Variants in LHX6 observed in about 807,000 individuals in gnomAD.
LHX6 encodes the protein LIM/homeobox protein Lhx6.
A neutral mutation model predicts 47.1 loss-of-function variants in LHX6; 15 were observed. That is an observed-to-expected ratio of 0.32 (90% CI 0.21 to 0.49). LHX6 has a LOEUF of 0.49. Among genes scored for constraint, LHX6 ranks in the 20% least tolerant of loss-of-function variants. LHX6 has a pLI of 0.99. For missense variants in LHX6, 404 were observed against 539.6 expected (o/e 0.75, Z 2.49); for synonymous variants, 242 against 233.5 (o/e 1.04, Z -0.33).
intron 1 of LHX6, chr9:122,228,326 T>C (rs1383680205): frequency 9.1e-6 from 14 of 1,534,560 alleles, no homozygotes; most frequent in Non-Finnish European, 1.2e-5. Flanking sequence ...GTCGGGATTC[T>C]CAGCGCTGCG....
chr9:122,219,090 C>A (rs1004017745), intron 4 of LHX6, among the ~76,000 whole-genome samples: 1 of 152,276 alleles, frequency 6.6e-6, no homozygotes, highest in East Asian at 1.9e-4. Context: ...TGTGTGTGCA[C>A]GGAGGAAACA....
At position 122,213,653 on chromosome 9, in the gene LHX6, C is replaced by T; in HGVS notation, c.1007G>A (p.Ser336Asn). 6.2e-7 allele frequency: 1 copy of T among 1,610,518 alleles called. No homozygotes were observed. ...LSDDIHYTPF[S>N]SPERARMVTL... The stretch of plus-strand genomic sequence containing the variant: ...GACCATGCGCGCCCGCTCGGGGCTG[C>T]TGAACGGGGTGTAGTGGATGTCGTC... Residue 336 changes from serine to asparagine, a missense_variant, in exon 8 of 10, where the codon AGC becomes AAC. Physicochemically the swap from Ser to Asn is conservative, Grantham distance 46. Around this residue, in one of 7 missense-constraint regions of LHX6, gnomAD observed 127 missense variants for 116.1 expected, o/e 1.09. Coordinates refer to ENST00000394319, the MANE Select transcript of LHX6 (RefSeq NM_014368.5). The surrounding 1 kb of genome is among the most constrained non-coding windows in gnomAD (Gnocchi z 5.5).
At chr9:122,207,454 C>T (rs1185427567) in intron 9 of LHX6, among the ~76,000 whole-genome samples, 2 of 152,184 alleles carry the variant, frequency 1.3e-5, no homozygotes, top group African/African-American at 4.8e-5. Flanking sequence ...AGAAGGCCAT[C>T]TCTATGTCCA....
At chr9:122,209,489 C>T in intron 9 of LHX6, 125 bp downstream of exon 9, 1 of 1,436,520 alleles carries the variant, frequency 7.0e-7, no homozygotes. Flanking sequence ...GGGGTCTCAG[C>T]AGGCCGGGCA....
chr9:122,217,414 C>T lies in LHX6; in HGVS notation c.462-126G>A. The stretch of plus-strand genomic sequence containing the variant: ...CTAAGTCTTCAACTCAGGCATTAGC[C>T]TTAGCTTGGACGCAACAACACTCTA... On this transcript the variant is annotated intron_variant, in intron 4 of 9. Coordinates refer to ENST00000394319, the MANE Select transcript of LHX6 (RefSeq NM_014368.5). This position sits in a 1 kb window ranked among gnomAD's most constrained non-coding sequence, Gnocchi z 4.9. 1 of 703,300 alleles carries T rather than the reference C, an allele frequency of 1.4e-6. No individual in the cohort carries two copies. Among genetic ancestry groups the T allele is most frequent in the South Asian group, 1.8e-5 (1 of 55,616 alleles). The allele number at this position is 703,300 out of a possible 1,614,324, so 43.6% of individuals were successfully genotyped here.
At chr9:122,215,267 A>G (rs1274250109) in intron 5 of LHX6, among the ~76,000 whole-genome samples, 3 of 152,264 alleles carry the variant, frequency 2.0e-5, no homozygotes, top group Non-Finnish European at 4.4e-5. Context: ...ATGGAAAAAA[A>G]TCTGAGAAGA....
At chr9:122,209,836 T>A (rs1830332752) in intron 8 of LHX6, 119 bp from the exon 9 acceptor site, 2 of 594,870 alleles carry the variant, frequency 3.4e-6, no homozygotes, top group Non-Finnish European at 6.0e-6. Flanking sequence ...ACTTACCTCC[T>A]GGGTAGCCCT....
chr9:122,228,497 C>CG (rs1831205637), intron 1 of LHX6, 160 bp downstream of exon 1: 40 of 1,421,932 alleles, frequency 2.8e-5, no homozygotes, highest in Non-Finnish European at 3.6e-5. Flanking sequence ...CCCCCCCCCC[C>CG]CGCTCGCGCG....
chr9:122,217,419 C>A lies in LHX6; in HGVS notation c.462-131G>T. 1.5e-6 allele frequency: 1 copy of A among 672,146 alleles called. No homozygotes were observed. Among genetic ancestry groups the A allele is most frequent in the South Asian group, 1.8e-5 (1 of 54,360 alleles). The allele number at this position is 672,146 out of a possible 1,614,324, so 41.6% of individuals were successfully genotyped here. A position where few individuals can be genotyped will look rare whatever the true frequency, so the allele number is the denominator to read the frequency against. ...TCTTCAACTCAGGCATTAGCCTTAG[C>A]TTGGACGCAACAACACTCTACACCT... On this transcript the variant is annotated intron_variant, in intron 4 of 9. Transcript: ENST00000394319. The surrounding 1 kb of genome is among the most constrained non-coding windows in gnomAD (Gnocchi z 4.9).
At chr9:122,207,869 C>A (rs1024715812) in intron 9 of LHX6, among the ~76,000 whole-genome samples, 1 of 152,184 alleles carries the variant, frequency 6.6e-6, no homozygotes, top group Non-Finnish European at 1.5e-5. Context: ...AACAGACTCT[C>A]TGAGAGCGAG....
chr9:122,207,930 C>A (rs1014733169), intron 9 of LHX6, among the ~76,000 whole-genome samples: 3 of 152,158 alleles, frequency 2.0e-5, no homozygotes, highest in Non-Finnish European at 4.4e-5. Flanking sequence ...TCCGAGCACA[C>A]CAAGACCGGG....
chr9:122,221,401 T>G, intron 4 of LHX6: 1 of 985,476 alleles, frequency 1.0e-6, no homozygotes, highest in Non-Finnish European at 1.2e-6. Flanking sequence ...GCTCTGCGCT[T>G]CCCCTGGGAC....
At chr9:122,221,455 C>A (rs1015778343) in intron 4 of LHX6, 39 of 985,386 alleles carry the variant, frequency 4.0e-5, no homozygotes, top group East Asian at 1.1e-4. Flanking sequence ...CTGGAGCCCG[C>A]GACAGAGCTT....
At chr9:122,224,448 A>G (rs1333549200) in intron 4 of LHX6, among the ~76,000 whole-genome samples, 1 of 152,134 alleles carries the variant, frequency 6.6e-6, no homozygotes, top group Admixed American at 6.5e-5. Context: ...GAGAGGAGAC[A>G]TCACACTCTG....
chr9:122,202,658 G>T lies in LHX6; in HGVS notation c.*2102C>A, dbSNP rs79457316. The stretch of plus-strand genomic sequence containing the variant: ...GACATTTACAAAGCACGACATGAAA[G>T]GTATGTAACAAAACAGACATTGGTT... On this transcript the variant is annotated 3_prime_UTR_variant, in exon 10 of 10. Transcript: ENST00000394319. 3.3e-5 allele frequency: 5 copies of T among 152,624 alleles called. No individual in the cohort carries two copies. The highest frequency in any genetic ancestry group is 2.0e-4 in the Admixed American group (3 of 15,292). 9.5% of individuals were successfully genotyped at this position (152,624 alleles called of 1,614,324 possible).
At chr9:122,221,410 AC>A in intron 4 of LHX6, 4 of 984,950 alleles carry the variant, frequency 4.1e-6, no homozygotes, top group Non-Finnish European at 4.8e-6. Flanking sequence ...TTCCCCTGGG[AC>A]CCTCGCTTTG....
chr9:122,214,456 G>C lies in LHX6; in HGVS notation c.683-73C>G, dbSNP rs1237841998. The stretch of plus-strand genomic sequence containing the variant: ...GGCAGCCTGGAAAGGACGGGGGTGG[G>C]GGGAGCTTGTCCCTGGAAGGGTCAG... On this transcript the variant is annotated intron_variant, in intron 5 of 9. Coordinates refer to ENST00000394319, the MANE Select transcript of LHX6 (RefSeq NM_014368.5). The surrounding 1 kb of genome is among the most constrained non-coding windows in gnomAD (Gnocchi z 4.6). The C allele has an allele frequency of 1.3e-5, 19 of 1,435,226 alleles. No homozygotes were observed. The highest frequency in any genetic ancestry group is 1.7e-5 in the Non-Finnish European group (19 of 1,098,702). The allele number at this position is 1,435,226 out of a possible 1,614,324, so 88.9% of individuals were successfully genotyped here. A position where few individuals can be genotyped will look rare whatever the true frequency, so the allele number is the denominator to read the frequency against.
rs748826406 is a variant in LHX6, at chr9:122,213,766, G to A, written c.894C>T (p.Asn298=). ...TGTGCTTTTTATGACGCGCCCGGCA[G>A]TTTTGAAACCACACCTGGAACGACA... is the stretch of plus-strand genomic sequence containing the variant. ...SRRVIQVWFQ[N]CRARHKKHTP... The change falls in exon 8 of 10, where the codon AAC becomes AAT. Residue 298 remains asparagine (N), a synonymous_variant. Transcript: ENST00000394319. The surrounding 1 kb of genome is among the most constrained non-coding windows in gnomAD (Gnocchi z 5.5). 1 of 1,593,856 alleles carries A rather than the reference G, an allele frequency of 6.3e-7. No individual in the cohort carries two copies. Among genetic ancestry groups the A allele is most frequent in the Non-Finnish European group, 8.5e-7 (1 of 1,170,970 alleles).
chr9:122,225,929 C>G (rs1000955739), intron 4 of LHX6, among the ~76,000 whole-genome samples: 1 of 152,180 alleles, frequency 6.6e-6, no homozygotes, highest in African/African-American at 2.4e-5. Flanking sequence ...GCGTCCAGCC[C>G]GCGAGAGACC....
Sources: gnomAD v4.1 joint callset for allele counts (sites outside exome capture counted in the v4.1 genomes callset) on GRCh38, gnomAD v4.1.1 for gene constraint, gnomAD v4.1.1 regional missense constraint, Gnocchi (gnomAD v3.1) non-coding constraint, MANE v1.5 for transcripts, NCBI Gene and HGNC (gene_info 2026-07-23, HGNC 2026-07-21) for gene names.